Variants in ABTB3 observed in about 807,000 individuals in gnomAD.
ABTB3 encodes ankyrin repeat and BTB domain containing 3.
At chr12:107,343,126 C>A in the ABTB3 span, among the ~76,000 whole-genome samples, 1 of 152,120 alleles carries the variant, frequency 6.6e-6, no homozygotes, top group Non-Finnish European at 1.5e-5. Context: ...GGGATCTGCC[C>A]ATCTCAGCCT....
chr12:107,521,263 T>TTGTGTGTGTGTGTGTGTG, the ABTB3 span, among the ~76,000 whole-genome samples: 4 of 142,864 alleles, frequency 2.8e-5, no homozygotes, highest in African/African-American at 1.0e-4. Context: ...TTCATATAAG[T>TTGTGTGTGTGTGTGTGTG]TGTGTGTGTG....
At chr12:107,643,987 C>T in the ABTB3 span, among the ~76,000 whole-genome samples, 1 of 152,078 alleles carries the variant, frequency 6.6e-6, no homozygotes, top group African/African-American at 2.4e-5. Context: ...TGGTCTCAAA[C>T]TCCTGAGCTC....
At chr12:107,388,682 C>A in the ABTB3 span, among the ~76,000 whole-genome samples, 30 of 152,186 alleles carry the variant, frequency 2.0e-4, no homozygotes, top group Admixed American at 6.5e-4. Context: ...AGGGGCCTGG[C>A]AAGTGGCATC....
At chr12:107,341,775 C>T in the ABTB3 span, among the ~76,000 whole-genome samples, 1 of 152,106 alleles carries the variant, frequency 6.6e-6, no homozygotes, top group African/African-American at 2.4e-5. Flanking sequence ...GGAGGTGTTT[C>T]GATCCCTGTT....
chr12:107,491,925 T>C, the ABTB3 span, among the ~76,000 whole-genome samples: 1 of 152,094 alleles, frequency 6.6e-6, no homozygotes, highest in African/African-American at 2.4e-5. Context: ...GTCTGGGACT[T>C]TTTTTCTGTA....
the ABTB3 span, among the ~76,000 whole-genome samples, chr12:107,569,341 A>ATGTGTTTGAGATGT: frequency 6.6e-6 from 1 of 152,182 alleles, no homozygotes; most frequent in Admixed American, 6.5e-5. Flanking sequence ...AAGGATAAAG[A>ATGTGTTTGAGATGT]CTTTGAGATG....
At chr12:107,637,609 T>C in the ABTB3 span, among the ~76,000 whole-genome samples, 1 of 152,064 alleles carries the variant, frequency 6.6e-6, no homozygotes, top group African/African-American at 2.4e-5. Context: ...TAACTAAAGG[T>C]CACCAAATAG....
At chr12:107,544,204 AG>A in the ABTB3 span, 1 of 1,502,040 alleles carries the variant, frequency 6.7e-7, no homozygotes, top group Non-Finnish European at 9.1e-7. Context: ...GCAAGTGTCC[AG>A]GATGGGGAGG....
At chr12:107,503,124 A>G in the ABTB3 span, among the ~76,000 whole-genome samples, 1 of 152,138 alleles carries the variant, frequency 6.6e-6, no homozygotes, top group Admixed American at 6.5e-5. Flanking sequence ...AGCCTTTATT[A>G]TCGTTTCCGA....
chr12:107,391,029 T>TA, the ABTB3 span, among the ~76,000 whole-genome samples: 2 of 152,202 alleles, frequency 1.3e-5, no homozygotes. Context: ...CATGTGCCTG[T>TA]AATCCCAGCT....
At chr12:107,607,593 C>A in the ABTB3 span, among the ~76,000 whole-genome samples, 3 of 152,202 alleles carry the variant, frequency 2.0e-5, no homozygotes, top group Non-Finnish European at 2.9e-5. Flanking sequence ...GAGGCCTGGC[C>A]TGACGTTTAG....
At chr12:107,328,484 G>A in the ABTB3 span, among the ~76,000 whole-genome samples, 1 of 152,226 alleles carries the variant, frequency 6.6e-6, no homozygotes, top group East Asian at 1.9e-4. Context: ...ATCTGAATGA[G>A]TGGGTGCTCC....
At chr12:107,582,804 A>G in the ABTB3 span, among the ~76,000 whole-genome samples, 1 of 152,178 alleles carries the variant, frequency 6.6e-6, no homozygotes, top group Non-Finnish European at 1.5e-5. Context: ...GGCGGGGCAC[A>G]TTCTGCGTGC....
chr12:107,570,645 G>T, the ABTB3 span, among the ~76,000 whole-genome samples: 1 of 150,436 alleles, frequency 6.6e-6, no homozygotes, highest in Non-Finnish European at 1.5e-5. Flanking sequence ...CATTCTTGAT[G>T]TTTTTTTCCA....
the ABTB3 span, among the ~76,000 whole-genome samples, chr12:107,596,739 C>G: frequency 3.3e-5 from 5 of 152,038 alleles, no homozygotes; most frequent in Admixed American, 6.6e-5. Context: ...AGGCCAAGAG[C>G]CTCTCCCTCC....
chr12:107,389,811 G>A, the ABTB3 span, among the ~76,000 whole-genome samples: 1 of 149,992 alleles, frequency 6.7e-6, no homozygotes, highest in African/African-American at 2.5e-5. Context: ...TTGCAAGTGT[G>A]AGGTCAGGTG....
At chr12:107,617,209 C>A in the ABTB3 span, 1 of 1,613,800 alleles carries the variant, frequency 6.2e-7, no homozygotes, top group East Asian at 2.2e-5. Flanking sequence ...CTCACCCTGG[C>A]CAGGGAGCTC....
At chr12:107,321,942 C>A in the ABTB3 span, among the ~76,000 whole-genome samples, 48 of 152,212 alleles carry the variant, frequency 3.2e-4, no homozygotes, top group East Asian at 8.9e-3. Context: ...AATCTGGTCA[C>A]CCTGCCCTAC....
At chr12:107,321,464 C>A in the ABTB3 span, among the ~76,000 whole-genome samples, 1 of 152,064 alleles carries the variant, frequency 6.6e-6, no homozygotes, top group African/African-American at 2.4e-5. Flanking sequence ...AAGGAAGGAG[C>A]AAAGCGGGTG....
Sources: allele counts gnomAD v4.1 joint callset (sites outside exome capture counted in the v4.1 genomes callset), GRCh38; gene constraint gnomAD v4.1.1; transcripts MANE v1.5; gene names NCBI Gene and HGNC (gene_info 2026-07-23, HGNC 2026-07-21).